PLSCR5: variants seen among roughly 807,000 people sequenced by gnomAD.
PLSCR5 encodes phospholipid scramblase family member 5, also known as phospholipid scramblase family, member 5.
In PLSCR5, 44 loss-of-function variants were observed where a neutral mutation model predicts 33.6. That is an observed-to-expected ratio of 1.31 (90% CI 1.03 to 1.69). The LOEUF (loss-of-function observed/expected upper bound fraction) is 1.69, where lower values mean the gene tolerates loss of function less well. Among genes scored for constraint, PLSCR5 ranks in the 40% most tolerant of loss-of-function variants. The pLI is 0.00. For missense variants in PLSCR5, 375 were observed against 318.7 expected (o/e 1.18, Z -1.34); for synonymous variants, 148 against 112.3 (o/e 1.32, Z -2.01).
At chr3:146,601,385 T>C (rs1220801486) in intron 1 of PLSCR5, among the ~76,000 whole-genome samples, 1 of 152,140 alleles carries the variant, frequency 6.6e-6, no homozygotes, top group South Asian at 2.1e-4. Flanking sequence ...AATATCAGTG[T>C]TTTTACTTCT....
chr3:146,586,842 T>G (rs1291393073), intron 6 of PLSCR5, among the ~76,000 whole-genome samples: 1 of 152,148 alleles, frequency 6.6e-6, no homozygotes, highest in Non-Finnish European at 1.5e-5. Flanking sequence ...AATTAAAAAT[T>G]AAAAACATAA....
At chr3:146,577,276 A>G (rs2044604622) in intron 7 of PLSCR5, among the ~76,000 whole-genome samples, 1 of 152,100 alleles carries the variant, frequency 6.6e-6, no homozygotes, top group Non-Finnish European at 1.5e-5. Context: ...ATTTGTATCC[A>G]TTCTTAGACC....
rs1352624239 is a variant in PLSCR5 at position 146,605,301 on chromosome 3, A to C, written c.-89T>G. 5 of 1,600,056 alleles carry C rather than the reference A, an allele frequency of 3.1e-6. No individual in the cohort carries two copies. Among genetic ancestry groups the C allele is most frequent in the Non-Finnish European group, 4.3e-6 (5 of 1,172,772 alleles). Reference sequence around the variant, plus strand: ...AGCAAGGAGAGAAAACGCAGCATGCACAAAACTTCAGAACGTGTTTGTCTG... The same window carrying C: ...AGCAAGGAGAGAAAACGCAGCATGCCCAAAACTTCAGAACGTGTTTGTCTG... On this transcript the variant is annotated 5_prime_UTR_variant, in exon 1 of 8. Transcript: ENST00000443512.
At position 146,594,916 on chromosome 3, in the gene PLSCR5, T is replaced by C. The variant is rs2044745540; in HGVS notation, c.232+125A>G. 5 of 478,636 alleles carry C rather than the reference T, an allele frequency of 1.0e-5. No individual in the cohort carries two copies. The South Asian group carries it at 3.8e-4, about 37-fold the overall frequency. 29.6% of individuals were successfully genotyped at this position (478,636 alleles called of 1,614,324 possible). A position where few individuals can be genotyped will look rare whatever the true frequency, so the allele number is the denominator to read the frequency against. ...TTGAAAAAAGACCTAGTACTCTTTT[T>C]GATCTAATTCTATTCTACACATTTA... On this transcript the variant is annotated intron_variant, in intron 3 of 7. Transcript: ENST00000443512.
intron 6 of PLSCR5, among the ~76,000 whole-genome samples, chr3:146,587,287 G>GC (rs1217805273): frequency 6.6e-6 from 1 of 152,134 alleles, no homozygotes; most frequent in African/African-American, 2.4e-5. Context: ...ATCTCTCAAA[G>GC]CATATGGACT....
intron 5 of PLSCR5, chr3:146,590,288 GT>G (rs2044703040): frequency 6.6e-6 from 1 of 152,002 alleles, no homozygotes; most frequent in Admixed American, 6.6e-5. Flanking sequence ...TCAAATTTCA[GT>G]TGCTAAAATT....
intron 6 of PLSCR5, among the ~76,000 whole-genome samples, chr3:146,587,556 T>C (rs2044675685): frequency 6.6e-6 from 1 of 152,018 alleles, no homozygotes; most frequent in Non-Finnish European, 1.5e-5. Context: ...GAGGGGTTGG[T>C]GTTGAAGTCA....
intron 6 of PLSCR5, among the ~76,000 whole-genome samples, chr3:146,587,510 G>T (rs1225199118): frequency 6.6e-6 from 1 of 152,174 alleles, no homozygotes; most frequent in East Asian, 1.9e-4. Flanking sequence ...AATCAGAAAG[G>T]CCTAATGAAG....
At position 146,594,047 on chromosome 3, in the gene PLSCR5, T is replaced by C. The variant is rs766464684; in HGVS notation, c.326A>G (p.Asn109Ser). The change falls in exon 4 of 8, where the codon AAT (asparagine) becomes AGT (serine). Residue 109 changes from asparagine (N) to serine (S), a missense_variant. Asn to Ser is a conservative substitution (Grantham distance 46, BLOSUM62 1). Transcript: ENST00000443512. ...YFAVEESICF[N>S]RTFCSTLRSC... The stretch of plus-strand genomic sequence containing the variant: ...TCGCAGAGTGGAACAGAAAGTACGA[T>C]TGAAGCAGATGCTTTCCTCCACTGC... 2.5e-6 allele frequency: 4 copies of C among 1,613,692 alleles called. No homozygotes were observed. The South Asian group carries it at 3.3e-5, about 13-fold the overall frequency.
rs1417037970 is a variant in PLSCR5, at chr3:146,594,006, T to C, written c.367A>G (p.Ile123Val). 1.2e-6 allele frequency: 2 copies of C among 1,613,878 alleles called. No individual in the cohort carries two copies. Among genetic ancestry groups the C allele is most frequent in the Non-Finnish European group, 1.7e-6 (2 of 1,179,812 alleles). The change falls in exon 4 of 8, where the codon ATC (isoleucine) becomes GTC (valine). Residue 123 changes from isoleucine (I) to valine (V), a missense_variant. Ile to Val is a conservative substitution (Grantham distance 29). Transcript: ENST00000443512. ...CSTLRSCTLRITDNSGREVIT... is the reference protein window; with the variant it reads ...CSTLRSCTLRVTDNSGREVIT... Reference sequence around the variant, plus strand: ...ACCTCTCGACCTGAGTTATCTGTGATCCTCAGGGTGCAAGATCGCAGAGTG... The same window carrying C: ...ACCTCTCGACCTGAGTTATCTGTGACCCTCAGGGTGCAAGATCGCAGAGTG...
intron 1 of PLSCR5, 141 bp from the exon 2 acceptor site, chr3:146,600,604 T>A: frequency 1.1e-6 from 1 of 878,130 alleles, no homozygotes; most frequent in Non-Finnish European, 1.5e-6. Context: ...TTCTTTTCAC[T>A]ACTCACTGCC....
chr3:146,600,134 AGTT>A (rs1161008569), intron 2 of PLSCR5, among the ~76,000 whole-genome samples, 151 bp downstream of exon 2: 1 of 152,222 alleles, frequency 6.6e-6, no homozygotes, highest in African/African-American at 2.4e-5. Flanking sequence ...AAATAAATAA[AGTT>A]AATATTTTAT....
At chr3:146,597,277 A>G (rs1482266173) in intron 2 of PLSCR5, among the ~76,000 whole-genome samples, 1 of 152,156 alleles carries the variant, frequency 6.6e-6, no homozygotes, top group Non-Finnish European at 1.5e-5. Context: ...TTTAGACAGC[A>G]TCTGATTTAA....
At chr3:146,582,653 G>A (rs1030745435), downstream of PLSCR5, among the ~76,000 whole-genome samples, 2 of 152,146 alleles carry the variant, frequency 1.3e-5, no homozygotes, top group South Asian at 4.2e-4. Flanking sequence ...GAAAAATTTA[G>A]TTTGTAGTTT....
In PLSCR5 at chr3:146,602,393, A is replaced by C. The variant is rs564779601; in HGVS notation, c.14-1930T>G. On this transcript the variant is annotated intron_variant, in intron 1 of 7. Transcript: ENST00000443512. ...ATTGTCACTTTCAGAAAAACATAGA[A>C]GCAAAATTATGATATAGGGAAAACT... Among the ~76,000 whole-genome samples, 3 of 152,308 alleles carry C rather than the reference A, an allele frequency of 2.0e-5. No individual in the cohort carries two copies. In the East Asian group the frequency reaches 5.8e-4, roughly 29 times the overall value.
rs988899182 is a variant in PLSCR5 at position 146,577,785 on chromosome 3, A to C, written c.*45-1060T>G. Among the ~76,000 whole-genome samples the C allele has an allele frequency of 2.0e-5, 3 of 152,300 alleles. No homozygotes were observed. The South Asian group carries it at 6.2e-4, about 32-fold the overall frequency. On this transcript the variant is annotated intron_variant, in intron 7 of 7. Coordinates refer to the PLSCR5 transcript ENST00000482567. ...GTGTTTTATTTCCCAGATTACAGAAAGAACAAAATGAATACTCAATAGAAA... is the reference window on the plus strand; with the variant it reads ...GTGTTTTATTTCCCAGATTACAGAACGAACAAAATGAATACTCAATAGAAA...
chr3:146,589,107 A>G (rs2044688336), intron 6 of PLSCR5, among the ~76,000 whole-genome samples: 1 of 152,188 alleles, frequency 6.6e-6, no homozygotes, highest in Admixed American at 6.5e-5. Context: ...TATACCAAAG[A>G]AGAAAAGGTT....
At position 146,593,817 on chromosome 3, in the gene PLSCR5, A is replaced by G. The variant is rs563815151; in HGVS notation, c.453+103T>C. 43 of 1,040,108 alleles carry G rather than the reference A, an allele frequency of 4.1e-5. No homozygotes were observed. The South Asian group carries it at 5.5e-4, about 13-fold the overall frequency. 64.4% of individuals were successfully genotyped at this position (1,040,108 alleles called of 1,614,324 possible). ...GAGCAACATACTATTAATAATTAAA[A>G]CAACTGGCAGGTTAATTGCCTCATT... On this transcript the variant is annotated intron_variant, in intron 4 of 7. Transcript: ENST00000443512.
intron 2 of PLSCR5, among the ~76,000 whole-genome samples, chr3:146,597,608 G>A (rs900608929): frequency 9.9e-5 from 15 of 152,094 alleles, no homozygotes; most frequent in Admixed American, 7.9e-4. Flanking sequence ...GGCTGTTCTT[G>A]TAGTTTTCCT....
Sources: allele counts gnomAD v4.1 joint callset (sites outside exome capture counted in the v4.1 genomes callset), GRCh38; gene constraint gnomAD v4.1.1; transcripts MANE v1.5; gene names NCBI Gene and HGNC (gene_info 2026-07-23, HGNC 2026-07-21).